Variants in ZNF407 observed in about 807,000 individuals in gnomAD.
The protein encoded by ZNF407 is zinc finger protein 407.
In ZNF407, 17 loss-of-function variants were observed where a neutral mutation model predicts 131.2. The observed-to-expected ratio is 0.13, with a 90% CI of 0.09 to 0.19. The LOEUF is 0.19. Ranked by LOEUF, ZNF407 falls within the 10% of genes least tolerant of loss-of-function variation. The pLI, the probability that ZNF407 is intolerant of heterozygous loss-of-function variation, is 1.00. For synonymous variants in ZNF407, 1,156 were observed against 1,062.0 expected (o/e 1.09, Z -1.72); for missense variants, 2,681 against 2,830.6 (o/e 0.95, Z 1.20).
At chr18:75,046,064 T>G (rs73971354) in intron 8 of ZNF407, among the ~76,000 whole-genome samples, 1 of 152,340 alleles carries the variant, frequency 6.6e-6, no homozygotes, top group African/African-American at 2.4e-5. Context: ...CATTCTTATT[T>G]GAGATCACAC....
intron 3 of ZNF407, among the ~76,000 whole-genome samples, chr18:74,694,016 C>G (rs1417905518): frequency 6.6e-6 from 1 of 152,236 alleles, no homozygotes; most frequent in Non-Finnish European, 1.5e-5. Context: ...AAATTTATTT[C>G]AGTTGACTAA....
intron 4 of ZNF407, among the ~76,000 whole-genome samples, 183 bp downstream of exon 4, chr18:74,781,685 T>A (rs1225972541): frequency 6.6e-6 from 1 of 152,152 alleles, no homozygotes; most frequent in African/African-American, 2.4e-5. Flanking sequence ...ATATTTTAAT[T>A]AAAACTTGAG....
chr18:74,940,341 C>T (rs187812298), intron 8 of ZNF407, among the ~76,000 whole-genome samples: 3 of 151,988 alleles, frequency 2.0e-5, no homozygotes, highest in Non-Finnish European at 2.9e-5. Flanking sequence ...CTGCCCCTGC[C>T]CAGGGAAGGG....
chr18:74,899,529 G>T (rs1971495761), intron 7 of ZNF407, among the ~76,000 whole-genome samples: 1 of 152,212 alleles, frequency 6.6e-6, no homozygotes, highest in East Asian at 1.9e-4. Context: ...AGCTGCTTAT[G>T]AGATGCCCAT....
intron 8 of ZNF407, among the ~76,000 whole-genome samples, chr18:75,031,517 G>A (rs757091764): frequency 1.1e-4 from 17 of 152,258 alleles, no homozygotes; most frequent in Non-Finnish European, 1.3e-4. Flanking sequence ...TTAGACAGAT[G>A]GAGTTCTGAT....
At chr18:75,037,515 G>T (rs113297112) in intron 8 of ZNF407, among the ~76,000 whole-genome samples, 3 of 151,744 alleles carry the variant, frequency 2.0e-5, no homozygotes, top group Non-Finnish European at 4.4e-5. Flanking sequence ...TCTCGATGGC[G>T]CCAAAAGCTG....
chr18:74,604,736 T>A (rs914815722), intron 1 of ZNF407, among the ~76,000 whole-genome samples: 4 of 152,236 alleles, frequency 2.6e-5, no homozygotes, highest in African/African-American at 4.8e-5. Flanking sequence ...TTGAGTTCTT[T>A]ATATAAACAC....
At chr18:74,910,338 A>T (rs935921491) in intron 7 of ZNF407, among the ~76,000 whole-genome samples, 1 of 152,174 alleles carries the variant, frequency 6.6e-6, no homozygotes, top group Admixed American at 6.5e-5. Context: ...TCAACAAAAC[A>T]TATATACTAT....
intron 5 of ZNF407, among the ~76,000 whole-genome samples, chr18:74,879,613 G>A (rs1971211110): frequency 6.6e-6 from 1 of 151,944 alleles, no homozygotes; most frequent in South Asian, 2.1e-4. Context: ...ATTCTTTACA[G>A]CCCATCTACT....
In ZNF407 at chr18:75,063,541, G is replaced by T; in HGVS notation, c.5820G>T (p.Gln1940His). ...LPEQLADGAT[Q>H]VVVVGGSMEG... ...AGCAGCTGGCTGATGGAGCCACCCA[G>T]GTGGTCGTCGTGGGGGGCTCCATGG... The change falls in exon 9 of 9, where the codon CAG becomes CAT. Residue 1940 changes from glutamine to histidine, a missense_variant. By Grantham distance (24) the Gln-to-His change is conservative. Coordinates refer to ENST00000299687, the MANE Select transcript of ZNF407 (RefSeq NM_017757.3). The surrounding 1 kb of genome is among the most constrained non-coding windows in gnomAD (Gnocchi z 6.6). The T allele has an allele frequency of 6.4e-7, 1 of 1,570,100 alleles. No individual in the cohort carries two copies. Among genetic ancestry groups the T allele is most frequent in the Non-Finnish European group, 8.6e-7 (1 of 1,159,126 alleles).
At chr18:75,060,506 T>C (rs1181795244) in intron 8 of ZNF407, among the ~76,000 whole-genome samples, 4 of 63,252 alleles carry the variant, frequency 6.3e-5, no homozygotes, top group Admixed American at 2.5e-4. Context: ...TTTCTTTTTT[T>C]CTTTTTTTTT....
At chr18:74,630,899 A>C in intron 1 of ZNF407, 68 bp from the exon 2 acceptor site, 1 of 1,213,640 alleles carries the variant, frequency 8.2e-7, no homozygotes, top group Non-Finnish European at 1.1e-6. Flanking sequence ...ATACTTTTTC[A>C]TCTAGTTTTA....
intron 4 of ZNF407, among the ~76,000 whole-genome samples, chr18:74,813,352 C>T (rs751761804): frequency 5.3e-5 from 8 of 152,184 alleles, no homozygotes; most frequent in Non-Finnish European, 8.8e-5. Context: ...CAGGCTCACA[C>T]TCTGCGCAGC....
At chr18:74,962,979 G>GATT (rs1972364937) in intron 8 of ZNF407, among the ~76,000 whole-genome samples, 2 of 152,332 alleles carry the variant, frequency 1.3e-5, no homozygotes, top group South Asian at 4.1e-4. Context: ...TATACAAAGA[G>GATT]ATTATCCTGC....
intron 8 of ZNF407, among the ~76,000 whole-genome samples, chr18:75,045,763 G>A (rs1211315725): frequency 6.6e-6 from 1 of 152,110 alleles, no homozygotes; most frequent in Admixed American, 6.6e-5. Flanking sequence ...ACGCTGTAAG[G>A]TTTCGTGCTA....
In ZNF407 at chr18:74,632,210, T is replaced by C; in HGVS notation, c.1191T>C (p.Ser397=). 1 of 1,613,900 alleles carries C rather than the reference T, an allele frequency of 6.2e-7. No individual in the cohort carries two copies. Among genetic ancestry groups the C allele is most frequent in the Non-Finnish European group, 8.5e-7 (1 of 1,179,866 alleles). ...AGGGTCTCTTAGAGAAATTGGAATC[T>C]ACAAAAAATACCCTTCAGGCAGCAC... The part of the protein sequence containing the change: ...TSEGLLEKLE[S]TKNTLQAAHG... Residue 397 remains serine, a synonymous_variant, in exon 2 of 9, where the codon TCT becomes TCC. Coordinates refer to ENST00000299687, the MANE Select transcript of ZNF407 (RefSeq NM_017757.3).
intron 8 of ZNF407, among the ~76,000 whole-genome samples, chr18:74,994,900 T>C (rs1442155522): frequency 1.3e-5 from 2 of 152,174 alleles, no homozygotes; most frequent in Non-Finnish European, 2.9e-5. Flanking sequence ...AAGTTTATTA[T>C]TGATTTATCA....
chr18:74,929,622 C>G (rs1200518065), intron 8 of ZNF407, among the ~76,000 whole-genome samples: 1 of 152,208 alleles, frequency 6.6e-6, no homozygotes, highest in African/African-American at 2.4e-5. Flanking sequence ...TTGACCCCCA[C>G]CTAAACAGCA....
At chr18:75,005,369 G>A (rs1972896395) in intron 8 of ZNF407, among the ~76,000 whole-genome samples, 1 of 152,152 alleles carries the variant, frequency 6.6e-6, no homozygotes, top group Admixed American at 6.5e-5. Context: ...TTGTTTGGTT[G>A]AGGGTTTATA....
Sources: allele counts gnomAD v4.1 joint callset (sites outside exome capture counted in the v4.1 genomes callset), GRCh38; gene constraint gnomAD v4.1.1; non-coding constraint Gnocchi (gnomAD v3.1); transcripts MANE v1.5; gene names NCBI Gene and HGNC (gene_info 2026-07-23, HGNC 2026-07-21).